Variants in TET2 observed in about 807,000 individuals in gnomAD.
The protein encoded by TET2 is methylcytosine dioxygenase TET2.
A neutral mutation model predicts 142.9 loss-of-function variants in TET2; 299 were observed. The observed-to-expected ratio is 2.09, with a 90% CI of 1.90 to 2.30. The LOEUF (loss-of-function observed/expected upper bound fraction) is 2.30, where lower values mean the gene tolerates loss of function less well. Among genes scored for constraint, TET2 ranks in the 30% most tolerant of loss-of-function variants. The probability of loss-of-function intolerance (pLI) is 0.00; values close to 1 mark genes in which losing one functional copy is unlikely to be tolerated. For synonymous variants in TET2, 819 were observed against 849.0 expected (o/e 0.96, Z 0.61); for missense variants, 2,418 against 2,378.0 (o/e 1.02, Z -0.35).
chr4:105,237,335 A>ATC lies in TET2; in HGVS notation c.3395_3396dup (p.Cys1133LeufsTer5). Reference sequence around the variant, plus strand: ...CTGTCAAGACTCAATATGATTTCCCATCTTGCAGATGTGTAGGTAAGTGCC... The same window carrying ATC: ...CTGTCAAGACTCAATATGATTTCCCATCTCTTGCAGATGTGTAGGTAAGTGCC... On this transcript the variant is annotated frameshift_variant, in exon 3 of 11. Coordinates refer to ENST00000380013, the MANE Select transcript of TET2 (RefSeq NM_001127208.3). LOFTEE classifies it high-confidence loss of function. The ATC allele has an allele frequency of 6.2e-7, 1 of 1,614,148 alleles. No homozygotes were observed. The highest frequency in any genetic ancestry group is 8.5e-7 in the Non-Finnish European group (1 of 1,179,992).
At chr4:105,271,667 A>T (rs1730970449) in intron 9 of TET2, among the ~76,000 whole-genome samples, 1 of 152,214 alleles carries the variant, frequency 6.6e-6, no homozygotes, top group South Asian at 2.1e-4. Context: ...TCTCAAGAAT[A>T]TCTTCTAATT....
At chr4:105,213,899 G>T (rs867766090) in intron 2 of TET2, among the ~76,000 whole-genome samples, 5 of 151,988 alleles carry the variant, frequency 3.3e-5, no homozygotes, top group Admixed American at 6.6e-5. Flanking sequence ...TCCCTCTGTC[G>T]CCCAGGGTGG....
At position 105,235,972 on chromosome 4, in the gene TET2, G is replaced by A; in HGVS notation, c.2030G>A (p.Cys677Tyr). ...CCAAAAGCTCATGTGCAGTCACTGT[G>A]TGGCACTAGATTTCATTTTCAACAA... The part of the protein sequence containing the change: ...HLPKAHVQSL[C>Y]GTRFHFQQRA... The change falls in exon 3 of 11, where the codon TGT (cysteine) becomes TAT (tyrosine). Residue 677 changes from cysteine (C) to tyrosine (Y), a missense_variant. Physicochemically the swap from Cys to Tyr is radical, Grantham distance 194. Coordinates refer to ENST00000380013, the MANE Select transcript of TET2 (RefSeq NM_001127208.3). The A allele has an allele frequency of 6.2e-7, 1 of 1,614,170 alleles. No individual in the cohort carries two copies.
At chr4:105,225,365 C>T (rs112138855) in intron 2 of TET2, among the ~76,000 whole-genome samples, 2,106 of 152,094 alleles carry the variant, frequency 0.014, 31 homozygotes, top group Middle Eastern at 0.058. Context: ...TTTGAAATTG[C>T]GCTCTATGAG....
intron 6 of TET2, among the ~76,000 whole-genome samples, chr4:105,248,102 T>C (rs1729676023): frequency 6.6e-6 from 1 of 152,226 alleles, no homozygotes; most frequent in Admixed American, 6.5e-5. Flanking sequence ...AAAATCATCT[T>C]ATTTATATAC....
At chr4:105,179,723 A>G (rs1275053965) in intron 1 of TET2, among the ~76,000 whole-genome samples, 2 of 152,110 alleles carry the variant, frequency 1.3e-5, no homozygotes, top group Non-Finnish European at 2.9e-5. Flanking sequence ...TCTCTAGGTG[A>G]CCTGTGTACC....
chr4:105,165,357 CAG>C (rs762314014), intron 1 of TET2, among the ~76,000 whole-genome samples: 1 of 152,042 alleles, frequency 6.6e-6, no homozygotes, highest in Non-Finnish European at 1.5e-5. Context: ...GCCTGGGTGA[CAG>C]AGGGAGACTT....
upstream of TET2, chr4:105,146,669 G>T: frequency 6.6e-6 from 1 of 152,466 alleles, no homozygotes; most frequent in South Asian, 2.0e-4. Flanking sequence ...GGCGGAGGAG[G>T]AGAGCCGGCG....
In TET2 at chr4:105,236,460, C is replaced by G. The variant is rs1053213074; in HGVS notation, c.2518C>G (p.Leu840Val). The G allele has an allele frequency of 2.5e-6, 4 of 1,613,862 alleles. No homozygotes were observed. The African/African-American group carries it at 5.3e-5, about 22-fold the overall frequency. ...GGTTTCTTGTTCAAACAATACACAC[C>G]TAGTTTCAGAGAATAAAGAACAGAC... ...IQVSCSNNTH[L>V]VSENKEQTTH... Residue 840 changes from leucine (L) to valine (V), a missense_variant, in exon 3 of 11, where the codon CTA (leucine) becomes GTA (valine). By Grantham distance (32) the Leu-to-Val change is conservative. Coordinates refer to ENST00000380013, the MANE Select transcript of TET2 (RefSeq NM_001127208.3).
At chr4:105,228,060 A>T (rs1029688222) in intron 2 of TET2, among the ~76,000 whole-genome samples, 2 of 152,158 alleles carry the variant, frequency 1.3e-5, no homozygotes, top group African/African-American at 4.8e-5. Flanking sequence ...AAGCAAAATA[A>T]TACTTTATCA....
intron 2 of TET2, among the ~76,000 whole-genome samples, chr4:105,199,615 T>C (rs949863199): frequency 8.5e-5 from 13 of 152,200 alleles, no homozygotes; most frequent in African/African-American, 3.1e-4. Context: ...CATGGGAGTT[T>C]GTTGTACAGG....
Position 105,237,346 on chromosome 4 carries a change from G to A in TET2, c.3404G>A (p.Cys1135Tyr), listed in dbSNP as rs769422572. The part of the protein sequence containing the change: ...KTQYDFPSCR[C>Y]VEQIIEKDEG... ...CAATATGATTTCCCATCTTGCAGAT[G>A]TGTAGGTAAGTGCCAGAAATGTACT... The change falls in exon 3 of 11, where the codon TGT becomes TAT. Residue 1135 changes from cysteine to tyrosine, a missense_variant. By Grantham distance (194) the Cys-to-Tyr change is radical (BLOSUM62 -2). Coordinates refer to ENST00000380013, the MANE Select transcript of TET2 (RefSeq NM_001127208.3). The A allele has an allele frequency of 3.1e-6, 5 of 1,613,956 alleles. No individual in the cohort carries two copies. Among genetic ancestry groups the A allele is most frequent in the Admixed American group, 3.3e-5 (2 of 59,972 alleles).
At chr4:105,169,249 A>C (rs1724322558) in intron 1 of TET2, among the ~76,000 whole-genome samples, 1 of 151,976 alleles carries the variant, frequency 6.6e-6, no homozygotes, top group South Asian at 2.1e-4. Context: ...AACGTCTACT[A>C]TTTTTTGATT....
At position 105,234,006 on chromosome 4, in the gene TET2, C is replaced by T. The variant is rs1728670474; in HGVS notation, c.64C>T (p.Pro22Ser). 2 of 1,614,122 alleles carry T rather than the reference C, an allele frequency of 1.2e-6. No homozygotes were observed. The highest frequency in any genetic ancestry group is 1.7e-6 in the Non-Finnish European group (2 of 1,180,012). Residue 22 changes from proline (P) to serine (S), a missense_variant, in exon 3 of 11, where the codon CCT (proline) becomes TCT (serine). By Grantham distance (74) the Pro-to-Ser change is moderately conservative. Transcript: ENST00000380013. The stretch of plus-strand genomic sequence containing the variant: ...ACTAAGTCCATTCCTGATACCATCA[C>T]CTCCCATTTGCCAGACAGAACCTCT... ...NRLSPFLIPSPPICQTEPLAT... is the reference protein window; with the variant it reads ...NRLSPFLIPSSPICQTEPLAT...
At chr4:105,228,391 T>G (rs1030368697) in intron 2 of TET2, among the ~76,000 whole-genome samples, 3 of 152,134 alleles carry the variant, frequency 2.0e-5, no homozygotes, top group African/African-American at 7.2e-5. Context: ...TGTATAATGT[T>G]TAAAAATGGC....
At chr4:105,230,233 G>A (rs906110723) in intron 2 of TET2, among the ~76,000 whole-genome samples, 1 of 152,066 alleles carries the variant, frequency 6.6e-6, no homozygotes, top group African/African-American at 2.4e-5. Context: ...TAGGAGAGAC[G>A]GGATTTCACC....
intron 2 of TET2, among the ~76,000 whole-genome samples, chr4:105,191,516 T>G (rs1725786321): frequency 6.6e-6 from 1 of 152,206 alleles, no homozygotes; most frequent in African/African-American, 2.4e-5. Context: ...TAGGCTTTTT[T>G]TTTGTCTATA....
chr4:105,232,171 T>C (rs983267926), intron 2 of TET2, among the ~76,000 whole-genome samples: 4 of 152,202 alleles, frequency 2.6e-5, no homozygotes, highest in African/African-American at 9.7e-5. Context: ...TCCAGCTCCA[T>C]CCATGTTGCT....
rs2110228533 is a variant in TET2 at position 105,235,571 on chromosome 4, T to C, written c.1629T>C (p.Gly543=). The change falls in exon 3 of 11, where the codon GGT becomes GGC. Residue 543 remains glycine (G), a synonymous_variant. Transcript: ENST00000380013. ...MRNKEQEILK[G]RDKEQTRDLV... ...ACAAAGAGCAAGAGATTCTGAAGGG[T>C]CGAGACAAGGAGCAAACACGAGATC... 6.2e-7 allele frequency: 1 copy of C among 1,613,972 alleles called. No homozygotes were observed. Among genetic ancestry groups the C allele is most frequent in the Admixed American group, 1.7e-5 (1 of 60,008 alleles).
Sources: allele counts gnomAD v4.1 joint callset (sites outside exome capture counted in the v4.1 genomes callset), GRCh38; gene constraint gnomAD v4.1.1; transcripts MANE v1.5; gene names NCBI Gene and HGNC (gene_info 2026-07-23, HGNC 2026-07-21).